Variants in GSTCD observed in about 807,000 individuals in gnomAD.
GSTCD encodes the protein glutathione S-transferase C-terminal domain containing, also known as glutathione S-transferase C-terminal domain-containing protein.
Under a neutral mutation model 68.3 loss-of-function variants are expected in GSTCD, and 44 were observed. The ratio of observed to expected loss-of-function variants is 0.64; its 90% CI spans 0.51 to 0.83. The LOEUF (loss-of-function observed/expected upper bound fraction) is 0.83, where lower values mean the gene tolerates loss of function less well. Among genes scored for constraint, GSTCD ranks in the 40% least tolerant of loss-of-function variants. The pLI is 0.00. For missense variants in GSTCD, 739 were observed against 735.9 expected (o/e 1.00, Z -0.05); for synonymous variants, 273 against 255.2 (o/e 1.07, Z -0.67).
At chr4:105,737,724 C>A (rs1420715043) in intron 5 of GSTCD, among the ~76,000 whole-genome samples, 2 of 152,172 alleles carry the variant, frequency 1.3e-5, no homozygotes, top group African/African-American at 4.8e-5. Flanking sequence ...AAGAGACTGT[C>A]CTTTCCCCAG....
At chr4:105,797,676 T>C (rs954583382) in intron 5 of GSTCD, among the ~76,000 whole-genome samples, 2 of 151,898 alleles carry the variant, frequency 1.3e-5, no homozygotes, top group African/African-American at 2.4e-5. Context: ...CAATGAAGTT[T>C]ACTGCATGGA....
chr4:105,714,707 T>TA (rs771889263), intron 1 of GSTCD, among the ~76,000 whole-genome samples: 51 of 151,518 alleles, frequency 3.4e-4, no homozygotes, highest in African/African-American at 5.3e-4. Flanking sequence ...ACATCTATAT[T>TA]AAAAAAAATA....
chr4:105,721,031 G>C (rs1310033762), intron 3 of GSTCD, among the ~76,000 whole-genome samples: 4 of 151,610 alleles, frequency 2.6e-5, no homozygotes, highest in African/African-American at 9.7e-5. Context: ...GTGTGCAGTG[G>C]TGTAATCGCA....
chr4:105,744,164 G>T (rs1185750517), intron 5 of GSTCD, among the ~76,000 whole-genome samples: 1 of 152,070 alleles, frequency 6.6e-6, no homozygotes, highest in Non-Finnish European at 1.5e-5. Flanking sequence ...CTCTCAATTT[G>T]GATTTGTCTG....
intron 5 of GSTCD, among the ~76,000 whole-genome samples, chr4:105,766,887 C>CTTTTT: frequency 0.016 from 897 of 56,802 alleles, 62 homozygotes; most frequent in Middle Eastern, 0.026. Context: ...GTTTTTGACT[C>CTTTTT]TTTTTTTTTT....
chr4:105,819,890 A>C (rs539718342), intron 5 of GSTCD, among the ~76,000 whole-genome samples: 3 of 151,736 alleles, frequency 2.0e-5, no homozygotes, highest in Non-Finnish European at 3.0e-5. Flanking sequence ...TTAAAAAAAA[A>C]ACACACAGAA....
rs1270874221 is a variant in GSTCD, at chr4:105,845,812, T to C, written c.*235T>C. ...TTTTTATAGTGAGAATCCCCTGAAGTCTCAGCTGCCAAAAGAATAATACTA... is the reference window on the plus strand; with the variant it reads ...TTTTTATAGTGAGAATCCCCTGAAGCCTCAGCTGCCAAAAGAATAATACTA... On this transcript the variant is annotated 3_prime_UTR_variant, in exon 12 of 12. Transcript: ENST00000515279. The C allele has an allele frequency of 2.1e-6, 1 of 485,348 alleles. No individual in the cohort carries two copies. Among genetic ancestry groups the C allele is most frequent in the African/African-American group, 1.9e-5 (1 of 52,062 alleles). The allele number at this position is 485,348 out of a possible 1,614,324, so 30.1% of individuals were successfully genotyped here. A position where few individuals can be genotyped will look rare whatever the true frequency, so the allele number is the denominator to read the frequency against.
At chr4:105,840,308 C>G (rs1724286808) in intron 10 of GSTCD, 2 of 407,920 alleles carry the variant, frequency 4.9e-6, no homozygotes, top group Non-Finnish European at 9.9e-6. Context: ...TTTTCCTTCT[C>G]TCCTTTCGTT....
At chr4:105,720,456 A>C (rs185956198) in intron 3 of GSTCD, among the ~76,000 whole-genome samples, 2 of 152,210 alleles carry the variant, frequency 1.3e-5, no homozygotes, top group Admixed American at 6.5e-5. Context: ...AGAGACTGCT[A>C]TCGAAAATCT....
At chr4:105,735,177 C>G (rs1294672) in intron 5 of GSTCD, among the ~76,000 whole-genome samples, 142,047 of 152,216 alleles carry the variant, frequency 0.93, 66,288 homozygotes, top group East Asian at 0.97. Flanking sequence ...CTCAAACTCT[C>G]TGCTGGGAGA....
chr4:105,773,027 A>G (rs1431424971), intron 5 of GSTCD, among the ~76,000 whole-genome samples: 4 of 152,128 alleles, frequency 2.6e-5, no homozygotes, highest in Admixed American at 6.5e-5. Context: ...TACTGCCTCA[A>G]TTTCAGAACT....
At chr4:105,842,344 T>C (rs1168325127) in intron 11 of GSTCD, among the ~76,000 whole-genome samples, 1 of 152,242 alleles carries the variant, frequency 6.6e-6, no homozygotes, top group Admixed American at 6.5e-5. Flanking sequence ...TTTAATACTT[T>C]TAAATGTATT....
intron 5 of GSTCD, among the ~76,000 whole-genome samples, chr4:105,805,376 A>C (rs561344731): frequency 1.4e-4 from 21 of 152,162 alleles, no homozygotes; most frequent in Admixed American, 3.3e-4. Flanking sequence ...TATGAATAAA[A>C]GGATTCAGCT....
intron 5 of GSTCD, among the ~76,000 whole-genome samples, chr4:105,790,749 G>A (rs542001178): frequency 6.6e-6 from 1 of 151,992 alleles, no homozygotes; most frequent in Non-Finnish European, 1.5e-5. Context: ...ATGGAGGTAA[G>A]GTAGAAAAGG....
chr4:105,729,068 T>G (rs1733141028), intron 4 of GSTCD, among the ~76,000 whole-genome samples: 1 of 152,164 alleles, frequency 6.6e-6, no homozygotes, highest in Non-Finnish European at 1.5e-5. Context: ...CTATGTGGAT[T>G]GTTTTTGATA....
chr4:105,819,451 C>G (rs1396622309), intron 5 of GSTCD, among the ~76,000 whole-genome samples: 1 of 151,748 alleles, frequency 6.6e-6, no homozygotes, highest in African/African-American at 2.4e-5. Context: ...AGAACAGAAA[C>G]TATGTCTTCT....
chr4:105,712,812 G>A (rs903937607), intron 1 of GSTCD, among the ~76,000 whole-genome samples: 1 of 152,144 alleles, frequency 6.6e-6, no homozygotes, highest in African/African-American at 2.4e-5. Flanking sequence ...AATTGGTGTT[G>A]CCATTTTACC....
chr4:105,845,632 T>TG lies in GSTCD; in HGVS notation c.*57dup. 1 of 1,582,028 alleles carries TG rather than the reference T, an allele frequency of 6.3e-7. No individual in the cohort carries two copies. Among genetic ancestry groups the TG allele is most frequent in the Non-Finnish European group, 8.7e-7 (1 of 1,154,526 alleles). ...ATCCGTCTTCACGTTGGATGCCCAG[T>TG]GGCATTCAGGAGGTTCTTGGCATAA... On this transcript the variant is annotated 3_prime_UTR_variant, in exon 12 of 12. Coordinates refer to ENST00000515279, the MANE Select transcript of GSTCD (RefSeq NM_001370181.1).
chr4:105,796,076 G>A (rs1045072259), intron 5 of GSTCD, among the ~76,000 whole-genome samples: 3 of 152,184 alleles, frequency 2.0e-5, no homozygotes, highest in Non-Finnish European at 2.9e-5. Context: ...ACATACCCGA[G>A]ACTGGATAAT....
Sources: gnomAD v4.1 joint callset for allele counts (sites outside exome capture counted in the v4.1 genomes callset) on GRCh38, gnomAD v4.1.1 for gene constraint, MANE v1.5 for transcripts, NCBI Gene and HGNC (gene_info 2026-07-23, HGNC 2026-07-21) for gene names.